SGK3: variants seen among roughly 807,000 people sequenced by gnomAD.
The protein encoded by SGK3 is serine/threonine-protein kinase Sgk3.
Under a neutral mutation model 68.5 loss-of-function variants are expected in SGK3, and 47 were observed. The ratio of observed to expected loss-of-function variants is 0.69; its 90% CI spans 0.54 to 0.87. SGK3 has a LOEUF of 0.87. SGK3 is among the 40% of genes least tolerant of loss of function. The probability of loss-of-function intolerance (pLI) is 0.00; values close to 1 mark genes in which losing one functional copy is unlikely to be tolerated. For missense variants in SGK3, 479 were observed against 575.5 expected, an observed-to-expected ratio of 0.83 and a Z score of 1.72; for synonymous variants, 181 against 189.1, an observed-to-expected ratio of 0.96 and a Z score of 0.35.
chr8:66,808,850 T>C (rs76207369), intron 4 of SGK3, among the ~76,000 whole-genome samples: 3,739 of 151,048 alleles, frequency 0.025, 157 homozygotes, highest in African/African-American at 0.085. Flanking sequence ...AAATATAGTT[T>C]GAAATAATTA....
intron 8 of SGK3, among the ~76,000 whole-genome samples, 154 bp downstream of exon 8, chr8:66,831,465 G>A (rs975837530): frequency 1.3e-5 from 2 of 151,804 alleles, no homozygotes; most frequent in Non-Finnish European, 2.9e-5. Flanking sequence ...TCAGCCTCCC[G>A]AGTAGCTGGG....
In SGK3 at chr8:66,722,364, C is replaced by T. The variant is rs1804818759; in HGVS notation, c.-122+9531C>T. On this transcript the variant is annotated intron_variant, in intron 1 of 16. Transcript: ENST00000521198. ...GCGGCGCGATCTTGGCTCACTGCAACCTCTACCTCCCAAGTTCAAGCGGTT... is the reference window on the plus strand; with the variant it reads ...GCGGCGCGATCTTGGCTCACTGCAATCTCTACCTCCCAAGTTCAAGCGGTT... 1.3e-5 allele frequency among the ~76,000 whole-genome samples: 2 copies of T among 152,210 alleles called. 1 individual carries two copies. Among genetic ancestry groups the T allele is most frequent in the Non-Finnish European group, 2.9e-5 (2 of 68,042 alleles).
At chr8:66,854,643 G>A (rs140049970) in intron 16 of SGK3, among the ~76,000 whole-genome samples, 336 of 152,246 alleles carry the variant, frequency 2.2e-3, no homozygotes, top group African/African-American at 7.3e-3. Context: ...ATTGGGTGTG[G>A]TAGGAAGGGA....
At chr8:66,828,353 A>ACCT in intron 6 of SGK3, among the ~76,000 whole-genome samples, 1 of 152,156 alleles carries the variant, frequency 6.6e-6, no homozygotes, top group South Asian at 2.1e-4. Flanking sequence ...TGCAATACCC[A>ACCT]CCTCCTCAAA....
At chr8:66,758,838 T>G (rs1343343932) in intron 1 of SGK3, among the ~76,000 whole-genome samples, 2 of 152,028 alleles carry the variant, frequency 1.3e-5, no homozygotes, top group Non-Finnish European at 2.9e-5. Context: ...ATTTTTATGC[T>G]CAATTACATT....
At chr8:66,778,901 G>A (rs542370410) in intron 1 of SGK3, among the ~76,000 whole-genome samples, 24 of 152,272 alleles carry the variant, frequency 1.6e-4, no homozygotes, top group African/African-American at 5.8e-4. Flanking sequence ...AATATCTGCA[G>A]CTTAGGATTT....
intron 16 of SGK3, among the ~76,000 whole-genome samples, chr8:66,852,083 C>T (rs1810313660): frequency 6.6e-6 from 1 of 151,930 alleles, no homozygotes; most frequent in African/African-American, 2.4e-5. Context: ...AATGAGCAAG[C>T]ACTTAGAAAA....
intron 16 of SGK3, 144 bp downstream of exon 16, chr8:66,851,064 T>A (rs1051119151): frequency 1.2e-6 from 1 of 832,420 alleles, no homozygotes; most frequent in Admixed American, 3.1e-5. Context: ...CAGGGTTGTC[T>A]AGTATAACTA....
chr8:66,743,835 C>T (rs1425913628), intron 1 of SGK3, among the ~76,000 whole-genome samples: 1 of 152,198 alleles, frequency 6.6e-6, no homozygotes, highest in Non-Finnish European at 1.5e-5. Context: ...GTACTTGTCT[C>T]TAATTCTTCC....
intron 1 of SGK3, among the ~76,000 whole-genome samples, chr8:66,754,172 C>T (rs1805907741): frequency 6.6e-6 from 1 of 152,166 alleles, no homozygotes; most frequent in African/African-American, 2.4e-5. Flanking sequence ...GATTAACACT[C>T]CCATCAAAGG....
intron 10 of SGK3, among the ~76,000 whole-genome samples, chr8:66,838,896 T>C (rs1458780519): frequency 6.6e-6 from 1 of 152,174 alleles, no homozygotes; most frequent in Non-Finnish European, 1.5e-5. Flanking sequence ...ACTTCATATC[T>C]TTTTTAGAGC....
intron 1 of SGK3, among the ~76,000 whole-genome samples, chr8:66,748,298 T>C (rs1805708008): frequency 6.6e-6 from 1 of 152,192 alleles, no homozygotes; most frequent in Non-Finnish European, 1.5e-5. Flanking sequence ...TAAAGTAGTA[T>C]TTATTTATGC....
intron 8 of SGK3, among the ~76,000 whole-genome samples, chr8:66,835,531 A>G (rs1456729271): frequency 3.3e-5 from 5 of 152,158 alleles, no homozygotes; most frequent in Non-Finnish European, 7.3e-5. Context: ...AAACTTCTCA[A>G]GCAGTGTAGA....
At position 66,716,183 on chromosome 8, in the gene SGK3, T is replaced by A. The variant is rs146481516; in HGVS notation, c.-122+3350T>A. Among the ~76,000 whole-genome samples the A allele has an allele frequency of 2.6e-5, 4 of 152,322 alleles. No individual in the cohort carries two copies. In the East Asian group the frequency reaches 7.7e-4, roughly 29 times the overall value. On this transcript the variant is annotated intron_variant, in intron 1 of 16. Coordinates refer to ENST00000521198, the MANE Select transcript of SGK3 (RefSeq NM_001033578.3). ...TTTCCATTTCTCATGGTGGAGACTT[T>A]GCTCTCATTTCACTCTCCCCTGCCC... is the stretch of plus-strand genomic sequence containing the variant.
intron 10 of SGK3, among the ~76,000 whole-genome samples, chr8:66,839,543 ATATATATATATAT>A: frequency 1.4e-5 from 1 of 73,430 alleles, no homozygotes; most frequent in Non-Finnish European, 2.6e-5. Context: ...ATATATATAT[ATATATATATATAT>A]ATTTTCATAT....
At chr8:66,741,797 A>G (rs1805487761) in intron 1 of SGK3, among the ~76,000 whole-genome samples, 1 of 152,218 alleles carries the variant, frequency 6.6e-6, no homozygotes, top group South Asian at 2.1e-4. Context: ...AGTGTCCCCC[A>G]AGGGATAGGC....
intron 5 of SGK3, among the ~76,000 whole-genome samples, chr8:66,820,952 C>T (rs76300807): frequency 0.021 from 3,123 of 152,180 alleles, 111 homozygotes; most frequent in African/African-American, 0.07. Flanking sequence ...ATTATCCTTC[C>T]GCTTCAGCCT....
At chr8:66,810,633 G>A (rs1345330642) in intron 4 of SGK3, among the ~76,000 whole-genome samples, 3 of 152,160 alleles carry the variant, frequency 2.0e-5, no homozygotes, top group African/African-American at 7.2e-5. Context: ...CCTGGGAGGT[G>A]GAGGTTGCAG....
At chr8:66,811,705 A>G (rs559250751) in intron 4 of SGK3, among the ~76,000 whole-genome samples, 1 of 152,340 alleles carries the variant, frequency 6.6e-6, no homozygotes, top group Admixed American at 6.5e-5. Flanking sequence ...CTGGCCTTCA[A>G]AAGTAAAATA....
Sources: gnomAD v4.1 joint callset for allele counts (sites outside exome capture counted in the v4.1 genomes callset) on GRCh38, gnomAD v4.1.1 for gene constraint, MANE v1.5 for transcripts, NCBI Gene and HGNC (gene_info 2026-07-23, HGNC 2026-07-21) for gene names.